CBFB: variants seen among roughly 807,000 people sequenced by gnomAD.
The protein encoded by CBFB is core-binding factor subunit beta, also known as CBF-beta.
CBFB carries 9 observed loss-of-function variants against 30.4 expected under a neutral mutation model. That is an observed-to-expected ratio of 0.30 (90% CI 0.18 to 0.52). CBFB has a LOEUF of 0.52. Among genes scored for constraint, CBFB ranks in the 20% least tolerant of loss-of-function variants. The pLI is 0.97. For missense variants in CBFB, 170 were observed against 244.0 expected, an observed-to-expected ratio of 0.70 and a Z score of 2.02; for synonymous variants, 94 against 84.0, an observed-to-expected ratio of 1.12 and a Z score of -0.65.
chr16:67,087,802 C>G (rs1458095603), intron 5 of CBFB, among the ~76,000 whole-genome samples: 2 of 152,136 alleles, frequency 1.3e-5, no homozygotes, highest in African/African-American at 4.8e-5. Context: ...CTCAAGAGCC[C>G]TAATTTTCTC....
At chr16:67,073,888 A>C (rs1407407214) in intron 4 of CBFB, among the ~76,000 whole-genome samples, 2 of 151,936 alleles carry the variant, frequency 1.3e-5, no homozygotes, top group Non-Finnish European at 2.9e-5. Context: ...TACAAAAATT[A>C]GCCGGGCATG....
intron 3 of CBFB, among the ~76,000 whole-genome samples, chr16:67,063,446 T>C (rs964827557): frequency 6.6e-6 from 1 of 152,084 alleles, no homozygotes; most frequent in South Asian, 2.1e-4. Flanking sequence ...TTTTTATTTA[T>C]TTTTTATTTT....
intron 3 of CBFB, among the ~76,000 whole-genome samples, chr16:67,065,605 T>A (rs1179535374): frequency 6.6e-6 from 1 of 152,194 alleles, no homozygotes; most frequent in African/African-American, 2.4e-5. Flanking sequence ...CTTGAACTCC[T>A]GGCCTCAAAT....
chr16:67,051,212 T>A (rs1966732913), intron 3 of CBFB, among the ~76,000 whole-genome samples: 1 of 152,144 alleles, frequency 6.6e-6, no homozygotes, highest in African/African-American at 2.4e-5. Context: ...TTAGGAATAA[T>A]AATAAAAGGA....
At chr16:67,075,298 GAA>G (rs1961361940) in intron 4 of CBFB, among the ~76,000 whole-genome samples, 1 of 150,842 alleles carries the variant, frequency 6.6e-6, no homozygotes, top group Non-Finnish European at 1.5e-5. Flanking sequence ...CAACCTAAAA[GAA>G]ATTGGCGAAA....
chr16:67,041,150 C>G (rs1053476758), intron 3 of CBFB, among the ~76,000 whole-genome samples: 3 of 152,112 alleles, frequency 2.0e-5, no homozygotes, highest in Non-Finnish European at 4.4e-5. Context: ...GTATGTTGCC[C>G]AGGGTGACTC....
intron 3 of CBFB, among the ~76,000 whole-genome samples, chr16:67,052,146 C>T (rs1960573571): frequency 6.6e-6 from 1 of 152,138 alleles, no homozygotes; most frequent in African/African-American, 2.4e-5. Flanking sequence ...TCCCGCAGTG[C>T]TGGGATTGCA....
intron 4 of CBFB, among the ~76,000 whole-genome samples, chr16:67,074,739 C>T (rs550142597): frequency 1.1e-4 from 17 of 152,088 alleles, no homozygotes; most frequent in South Asian, 8.3e-4. Context: ...TTGGAGTAGG[C>T]AAAAACTTGA....
chr16:67,085,218 G>A (rs1415884469), intron 5 of CBFB, among the ~76,000 whole-genome samples: 1 of 151,932 alleles, frequency 6.6e-6, no homozygotes, highest in Non-Finnish European at 1.5e-5. Context: ...CGCCCAGGCT[G>A]GAGTGCAGTG....
chr16:67,073,108 GTGTC>G (rs1220791108), intron 4 of CBFB, among the ~76,000 whole-genome samples: 1 of 152,152 alleles, frequency 6.6e-6, no homozygotes, highest in African/African-American at 2.4e-5. Context: ...CTTCAATTGA[GTGTC>G]TGTAAACTAC....
chr16:67,061,484 CAG>C (rs1224776113), intron 3 of CBFB, among the ~76,000 whole-genome samples: 1 of 152,040 alleles, frequency 6.6e-6, no homozygotes, highest in African/African-American at 2.4e-5. Flanking sequence ...TTTTTTTTGA[CAG>C]AAGCATTTCA....
intron 5 of CBFB, among the ~76,000 whole-genome samples, chr16:67,086,513 T>G (rs1289156685): frequency 6.6e-6 from 1 of 152,210 alleles, no homozygotes; most frequent in East Asian, 1.9e-4. Context: ...GTCTTCCACA[T>G]TACCTACCAC....
At chr16:67,090,518 G>A (rs1437961006) in intron 5 of CBFB, among the ~76,000 whole-genome samples, 2 of 152,268 alleles carry the variant, frequency 1.3e-5, no homozygotes, top group East Asian at 1.9e-4. Flanking sequence ...ATAAAGGACA[G>A]ATTTCATGCT....
intron 3 of CBFB, among the ~76,000 whole-genome samples, chr16:67,059,763 C>T (rs1804843487): frequency 6.6e-6 from 1 of 152,112 alleles, no homozygotes; most frequent in Non-Finnish European, 1.5e-5. Context: ...TTTTCCCCTG[C>T]TTACTCTGGG....
chr16:67,096,464 T>TAC (rs1962048707), intron 5 of CBFB, among the ~76,000 whole-genome samples: 1 of 150,246 alleles, frequency 6.7e-6, no homozygotes, highest in African/African-American at 2.5e-5. Context: ...GGAGAAAATA[T>TAC]ACATATATAT....
chr16:67,089,359 CTA>C (rs774327460), intron 5 of CBFB, among the ~76,000 whole-genome samples: 17 of 152,022 alleles, frequency 1.1e-4, no homozygotes, highest in Non-Finnish European at 1.8e-4. Flanking sequence ...GAACTAGAAA[CTA>C]TGGGGGAGAA....
chr16:67,051,934 CACACACACACGCAT>C (rs1244096523), intron 3 of CBFB, among the ~76,000 whole-genome samples: 1 of 151,420 alleles, frequency 6.6e-6, no homozygotes, highest in Non-Finnish European at 1.5e-5. Flanking sequence ...CACACACACA[CACACACACACGCAT>C]ACATATATAT....
intron 5 of CBFB, among the ~76,000 whole-genome samples, chr16:67,092,959 C>T (rs985586702): frequency 1.3e-5 from 2 of 151,950 alleles, no homozygotes; most frequent in African/African-American, 2.4e-5. Context: ...GTGATCTGCC[C>T]GCCTTGGCCT....
intron 2 of CBFB, among the ~76,000 whole-genome samples, chr16:67,033,506 A>G (rs952879255): frequency 6.6e-6 from 1 of 150,544 alleles, no homozygotes; most frequent in Non-Finnish European, 1.5e-5. Flanking sequence ...TTTTTAGTAG[A>G]GATGGGTTTC....
Sources: allele counts gnomAD v4.1 joint callset (sites outside exome capture counted in the v4.1 genomes callset), GRCh38; gene constraint gnomAD v4.1.1; transcripts MANE v1.5; gene names NCBI Gene and HGNC (gene_info 2026-07-23, HGNC 2026-07-21).